ERBB4: variants seen among roughly 807,000 people sequenced by gnomAD.
The protein encoded by ERBB4 is receptor tyrosine-protein kinase erbB-4.
Under a neutral mutation model 158.0 loss-of-function variants are expected in ERBB4, and 42 were observed. That is an observed-to-expected ratio of 0.27 (90% CI 0.21 to 0.34). The LOEUF (loss-of-function observed/expected upper bound fraction) is 0.34. Among genes scored for constraint, ERBB4 ranks in the 10% least tolerant of loss-of-function variants. The pLI, the probability that ERBB4 is intolerant of heterozygous loss-of-function variation, is 1.00. For synonymous variants in ERBB4, 583 were observed against 558.7 expected (o/e 1.04, Z -0.61); for missense variants, 1,333 against 1,624.1 (o/e 0.82, Z 3.08).
rs72946600 is a variant in ERBB4 at position 211,745,017 on chromosome 2, A to G, written c.622+5622T>C. 8.9e-3 allele frequency among the ~76,000 whole-genome samples: 1,352 copies of G among 152,380 alleles called. 13 individuals are homozygous for G. Among genetic ancestry groups the G allele is most frequent in the Non-Finnish European group, 0.014 (972 of 68,034 alleles). On this transcript the variant is annotated intron_variant, in intron 5 of 27. Coordinates refer to ENST00000342788, the MANE Select transcript of ERBB4 (RefSeq NM_005235.3). ...TCTAAAATGTACTTTTATATAGTCA[A>G]TCCACAAAAGCAGAATATTGTCAAA...
At chr2:212,485,921 T>C (rs908109686) in intron 1 of ERBB4, among the ~76,000 whole-genome samples, 2 of 151,706 alleles carry the variant, frequency 1.3e-5, no homozygotes, top group Non-Finnish European at 2.9e-5. Context: ...CCAAACCACC[T>C]CTCAAAAGGC....
intron 1 of ERBB4, among the ~76,000 whole-genome samples, chr2:212,404,159 T>A (rs2091283269): frequency 6.6e-6 from 1 of 151,980 alleles, no homozygotes; most frequent in Admixed American, 6.6e-5. Context: ...AAAGTGGAAG[T>A]GAAAACTATA....
intron 1 of ERBB4, among the ~76,000 whole-genome samples, chr2:212,286,558 T>C (rs1295940108): frequency 6.7e-6 from 1 of 149,892 alleles, no homozygotes; most frequent in African/African-American, 2.4e-5. Flanking sequence ...ATATTAAAGT[T>C]GTTCAGATTA....
intron 2 of ERBB4, among the ~76,000 whole-genome samples, chr2:211,950,407 C>A (rs1029550431): frequency 9.9e-5 from 15 of 152,160 alleles, no homozygotes; most frequent in Non-Finnish European, 5.9e-5. Context: ...TCCATGCCAA[C>A]ATATTCCTGA....
intron 1 of ERBB4, among the ~76,000 whole-genome samples, chr2:212,465,705 C>T (rs1296275075): frequency 2.0e-5 from 3 of 152,124 alleles, no homozygotes; most frequent in African/African-American, 7.2e-5. Flanking sequence ...TCATTACCTC[C>T]CTAACCAATA....
Position 212,101,645 on chromosome 2 carries a change from A to T in ERBB4, c.234+23107T>A, listed in dbSNP as rs966271760. On this transcript the variant is annotated intron_variant, in intron 2 of 27. Coordinates refer to ENST00000342788, the MANE Select transcript of ERBB4 (RefSeq NM_005235.3). ...CTTATCACCCTGAACTGAAAATAAT[A>T]TATAACAAGTAAAGGTCAGTTAAGT... Among the ~76,000 whole-genome samples the T allele has an allele frequency of 2.6e-5, 4 of 152,078 alleles. No individual in the cohort carries two copies. In the South Asian group the frequency reaches 8.3e-4, roughly 32 times the overall value.
intron 3 of ERBB4, among the ~76,000 whole-genome samples, chr2:211,878,659 T>TTTTTC: frequency 6.8e-6 from 1 of 148,036 alleles, no homozygotes; most frequent in East Asian, 2.0e-4. Context: ...TAAGTTTTGT[T>TTTTTC]TTTTTTTTTT....
At chr2:212,000,566 C>T (rs955309385) in intron 2 of ERBB4, among the ~76,000 whole-genome samples, 18 of 151,734 alleles carry the variant, frequency 1.2e-4, no homozygotes, top group African/African-American at 4.4e-4. Context: ...AGAATTGAAA[C>T]TAATTATGAA....
rs376603197 is a variant in ERBB4 at position 211,526,139 on chromosome 2, G to T, written c.2487+35764C>A. 1.7e-4 allele frequency among the ~76,000 whole-genome samples: 26 copies of T among 152,190 alleles called. 1 individual carries two copies. The East Asian group carries it at 2.3e-3, about 14-fold the overall frequency. ...AGGTAATAGTTTCAGTGGGACTTGGGTGAGACTCAGGGCTATGCTGGTCTC... is the reference window on the plus strand; with the variant it reads ...AGGTAATAGTTTCAGTGGGACTTGGTTGAGACTCAGGGCTATGCTGGTCTC... On this transcript the variant is annotated intron_variant, in intron 20 of 27. Transcript: ENST00000342788.
At chr2:211,694,671 T>A (rs1360872124) in intron 12 of ERBB4, among the ~76,000 whole-genome samples, 1 of 152,110 alleles carries the variant, frequency 6.6e-6, no homozygotes, top group African/African-American at 2.4e-5. Flanking sequence ...CTCAGAAGAA[T>A]AGCGACTTCA....
At chr2:212,238,555 A>C (rs1180434308) in intron 1 of ERBB4, among the ~76,000 whole-genome samples, 1 of 152,162 alleles carries the variant, frequency 6.6e-6, no homozygotes, top group East Asian at 1.9e-4. Flanking sequence ...TTATTATATA[A>C]ATTTCAAACT....
At chr2:212,064,606 C>T (rs956624420) in intron 2 of ERBB4, among the ~76,000 whole-genome samples, 1 of 151,852 alleles carries the variant, frequency 6.6e-6, no homozygotes, top group African/African-American at 2.4e-5. Context: ...TTCATTATAC[C>T]TACATATATG....
intron 1 of ERBB4, among the ~76,000 whole-genome samples, chr2:212,394,180 AC>A (rs2090958229): frequency 6.6e-6 from 1 of 152,120 alleles, no homozygotes; most frequent in Non-Finnish European, 1.5e-5. Flanking sequence ...GGTCTCATGT[AC>A]AAATGTAGTC....
chr2:212,040,474 T>C (rs907745128), intron 2 of ERBB4, among the ~76,000 whole-genome samples: 1 of 152,158 alleles, frequency 6.6e-6, no homozygotes, highest in Non-Finnish European at 1.5e-5. Flanking sequence ...GGAATATTGA[T>C]GGCTTTGCAG....
chr2:211,414,068 G>A, intron 25 of ERBB4, among the ~76,000 whole-genome samples: 1 of 152,124 alleles, frequency 6.6e-6, no homozygotes, highest in East Asian at 1.9e-4. Flanking sequence ...AATATCTGGT[G>A]TAAACACTTG....
At chr2:211,875,025 C>CAAAAAAAA (rs746636278) in intron 3 of ERBB4, among the ~76,000 whole-genome samples, 27 of 26,994 alleles carry the variant, frequency 1.0e-3, no homozygotes, top group African/African-American at 2.1e-3. Context: ...AATAGAAATG[C>CAAAAAAAA]AAAAAAAAAA....
intron 25 of ERBB4, 35 bp downstream of exon 25, chr2:211,420,406 A>G (rs2063489382): frequency 2.1e-6 from 3 of 1,426,648 alleles, no homozygotes; most frequent in Non-Finnish European, 3.0e-6. Context: ...TATATCTCAG[A>G]AAGAATATGA....
At chr2:212,080,099 G>T (rs1430940703) in intron 2 of ERBB4, among the ~76,000 whole-genome samples, 1 of 151,898 alleles carries the variant, frequency 6.6e-6, no homozygotes, top group South Asian at 2.1e-4. Flanking sequence ...GGATCACAAG[G>T]TCAAGAGATC....
intron 4 of ERBB4, among the ~76,000 whole-genome samples, chr2:211,773,708 G>A (rs2075798885): frequency 7.4e-6 from 1 of 135,204 alleles, no homozygotes; most frequent in Admixed American, 7.9e-5. Context: ...ACTTTATAGT[G>A]AAGAATATAT....
Sources: allele counts gnomAD v4.1 joint callset (sites outside exome capture counted in the v4.1 genomes callset), GRCh38; gene constraint gnomAD v4.1.1; transcripts MANE v1.5; gene names NCBI Gene and HGNC (gene_info 2026-07-23, HGNC 2026-07-21).